Variants in KIF5C observed in about 807,000 individuals in gnomAD.
KIF5C encodes the protein kinesin heavy chain isoform 5C.
Under a neutral mutation model 125.2 loss-of-function variants are expected in KIF5C, and 18 were observed. That is an observed-to-expected ratio of 0.14 (90% CI 0.10 to 0.21). KIF5C has a LOEUF of 0.21. Among genes scored for constraint, KIF5C ranks in the 10% least tolerant of loss-of-function variants. The probability of loss-of-function intolerance (pLI) is 1.00; values close to 1 mark genes in which losing one functional copy is unlikely to be tolerated. For synonymous variants in KIF5C, 405 were observed against 434.0 expected (o/e 0.93, Z 0.83); for missense variants, 780 against 1,183.8 (o/e 0.66, Z 5.01).
chr2:148,903,948 T>G (rs2105059350), intron 1 of KIF5C, among the ~76,000 whole-genome samples: 1 of 152,324 alleles, frequency 6.6e-6, no homozygotes, highest in South Asian at 2.1e-4. Flanking sequence ...CTATCTTATT[T>G]GATTCTAAGT....
At chr2:148,995,647 GATC>G (rs1681645727) in intron 17 of KIF5C, among the ~76,000 whole-genome samples, 1 of 152,088 alleles carries the variant, frequency 6.6e-6, no homozygotes, top group African/African-American at 2.4e-5. Flanking sequence ...CATACCTTTT[GATC>G]ATCACACCTC....
chr2:148,983,850 C>T, intron 15 of KIF5C, 84 bp downstream of exon 15: 1 of 1,393,622 alleles, frequency 7.2e-7, no homozygotes, highest in Non-Finnish European at 9.4e-7. Flanking sequence ...GCATTCAATG[C>T]TTAGCACTGT....
intron 1 of KIF5C, among the ~76,000 whole-genome samples, chr2:148,893,722 C>T (rs1438986623): frequency 1.3e-5 from 2 of 152,192 alleles, no homozygotes; most frequent in Non-Finnish European, 2.9e-5. Context: ...CGAATGGGTA[C>T]ACATAATACA....
At chr2:148,994,655 A>C in intron 17 of KIF5C, 117 bp downstream of exon 17, 2 of 1,222,286 alleles carry the variant, frequency 1.6e-6, no homozygotes, top group Admixed American at 3.5e-5. Context: ...GGTCTACTGC[A>C]AACAAAACCA....
intron 14 of KIF5C, among the ~76,000 whole-genome samples, chr2:148,982,932 TAAG>T (rs1681276752): frequency 6.6e-6 from 1 of 152,224 alleles, no homozygotes; most frequent in South Asian, 2.1e-4. Flanking sequence ...AAACGTTAGT[TAAG>T]AATACATACC....
rs530197342 is a variant in KIF5C at position 148,940,967 on chromosome 2, G to C, written c.397-643G>C. On this transcript the variant is annotated intron_variant, in intron 4 of 25. Transcript: ENST00000435030. ...TTCAGCAGGACTGTAGTAGGGTTCA[G>C]GGTTCTGCAGTTCAAACAGGTTCTT... Among the ~76,000 whole-genome samples, 7 of 152,316 alleles carry C rather than the reference G, an allele frequency of 4.6e-5. No individual in the cohort carries two copies. The East Asian group carries it at 9.6e-4, about 21-fold the overall frequency.
rs1681190403 is a variant in KIF5C, at chr2:148,876,333, G to T, written c.126+590G>T. ...AAGGCGGAGGGTTGGGGGAGTACTG[G>T]TGGCCTCGGTGTCCCCTGGAGGCCT... On this transcript the variant is annotated intron_variant, in intron 1 of 25. Coordinates refer to ENST00000435030, the MANE Select transcript of KIF5C (RefSeq NM_004522.3). This position sits in a 1 kb window ranked among gnomAD's most constrained non-coding sequence, Gnocchi z 4.7. 6.6e-6 allele frequency among the ~76,000 whole-genome samples: 1 copy of T among 152,214 alleles called. No individual in the cohort carries two copies. Among genetic ancestry groups the T allele is most frequent in the Non-Finnish European group, 1.5e-5 (1 of 68,024 alleles).
intron 3 of KIF5C, 114 bp from the exon 4 acceptor site, chr2:148,937,170 G>A (rs1682308650): frequency 7.0e-7 from 1 of 1,428,108 alleles, no homozygotes; most frequent in South Asian, 1.4e-5. Flanking sequence ...AGGCACACGT[G>A]GGTGCTTCCT....
chr2:148,987,446 A>G (rs550011778), intron 15 of KIF5C, among the ~76,000 whole-genome samples: 12 of 152,280 alleles, frequency 7.9e-5, no homozygotes, highest in African/African-American at 2.9e-4. Flanking sequence ...TTGTGTTGAA[A>G]TTGCAAAAGA....
rs186782925 is a variant in KIF5C, at chr2:149,021,750, T to C, written c.*8-1328T>C. ...TTTTTTTTTTTAATCAAAAGAGAAGTTGGGCTTTTCTTAGTGGCTGTTGTA... is the reference window on the plus strand; with the variant it reads ...TTTTTTTTTTTAATCAAAAGAGAAGCTGGGCTTTTCTTAGTGGCTGTTGTA... On this transcript the variant is annotated intron_variant, in intron 25 of 25. Coordinates refer to ENST00000435030, the MANE Select transcript of KIF5C (RefSeq NM_004522.3). Among the ~76,000 whole-genome samples the C allele has an allele frequency of 2.6e-4, 39 of 149,036 alleles. No individual in the cohort carries two copies. In the East Asian group the frequency reaches 3.6e-3, roughly 14 times the overall value.
At chr2:149,016,836 C>T (rs1299048623) in intron 25 of KIF5C, among the ~76,000 whole-genome samples, 1 of 151,946 alleles carries the variant, frequency 6.6e-6, no homozygotes, top group East Asian at 1.9e-4. Flanking sequence ...AAAAGGTGGG[C>T]ACAGCAGAGA....
At chr2:148,883,185 GC>G (rs1307825496) in intron 1 of KIF5C, among the ~76,000 whole-genome samples, 4 of 152,204 alleles carry the variant, frequency 2.6e-5, no homozygotes, top group African/African-American at 7.2e-5. Flanking sequence ...TTTAGACCAT[GC>G]AAAAAATCAT....
intron 1 of KIF5C, among the ~76,000 whole-genome samples, chr2:148,890,440 G>A (rs1681675381): frequency 6.6e-6 from 1 of 152,104 alleles, no homozygotes; most frequent in Non-Finnish European, 1.5e-5. Context: ...ATTGGAGGCT[G>A]CAGGTAGCTA....
At chr2:148,978,869 A>T (rs1681151715) in intron 12 of KIF5C, 53 bp from the exon 13 acceptor site, 3 of 1,540,986 alleles carry the variant, frequency 1.9e-6, no homozygotes, top group Non-Finnish European at 2.6e-6. Flanking sequence ...GGAGACTGGG[A>T]TATCAAAAAT....
rs372240350 is a variant in KIF5C, at chr2:148,935,016, G to A, written c.292-2268G>A. 49 of 373,636 alleles carry A rather than the reference G, an allele frequency of 1.3e-4. No individual in the cohort carries two copies. In the East Asian group the frequency reaches 2.6e-3, roughly 20 times the overall value. The allele number at this position is 373,636 out of a possible 1,614,324, so 23.1% of individuals were successfully genotyped here. On this transcript the variant is annotated intron_variant, in intron 3 of 25. Coordinates refer to ENST00000435030, the MANE Select transcript of KIF5C (RefSeq NM_004522.3). ...AAGCCCTTACCACTCTTGGGCATCT[G>A]AGCTGGATCAAGCAGCCCAGCTCCT...
chr2:149,005,503 C>T, intron 22 of KIF5C, 39 bp downstream of exon 22: 2 of 1,607,236 alleles, frequency 1.2e-6, no homozygotes, highest in Non-Finnish European at 1.7e-6. Flanking sequence ...AGAAGAAAAT[C>T]AAAGATGGCA....
intron 1 of KIF5C, among the ~76,000 whole-genome samples, chr2:148,881,117 T>C (rs1248074513): frequency 1.3e-5 from 2 of 152,022 alleles, no homozygotes; most frequent in Non-Finnish European, 2.9e-5. Flanking sequence ...AGGCGCTGAT[T>C]ACCTCCTATG....
chr2:148,875,569 G>A lies in KIF5C; in HGVS notation c.-49G>A, dbSNP rs1259807794. ...GCGGCCTCCTCCCTCGTCGTTCCCG[G>A]CCCCGGCCCCCCACCCATCCCCGTG... On this transcript the variant is annotated 5_prime_UTR_variant, in exon 1 of 26. Coordinates refer to ENST00000435030, the MANE Select transcript of KIF5C (RefSeq NM_004522.3). The A allele has an allele frequency of 7.2e-6, 5 of 689,868 alleles. No individual in the cohort carries two copies. The highest frequency in any genetic ancestry group is 1.5e-5 in the South Asian group (1 of 65,368). The allele number at this position is 689,868 out of a possible 1,614,324, so 42.7% of individuals were successfully genotyped here.
At chr2:148,972,252 T>C in intron 11 of KIF5C, among the ~76,000 whole-genome samples, 1 of 152,218 alleles carries the variant, frequency 6.6e-6, no homozygotes, top group South Asian at 2.1e-4. Context: ...TTTGAAAAAC[T>C]CTCTGACTCA....
Sources: gnomAD v4.1 joint callset for allele counts (sites outside exome capture counted in the v4.1 genomes callset) on GRCh38, gnomAD v4.1.1 for gene constraint, Gnocchi (gnomAD v3.1) non-coding constraint, MANE v1.5 for transcripts, NCBI Gene and HGNC (gene_info 2026-07-23, HGNC 2026-07-21) for gene names.